The following TSHZ3 variants were observed in gnomAD, a reference collection of about 807,000 sequenced individuals.
TSHZ3 encodes the protein teashirt zinc finger homeobox 3.
Under a neutral mutation model 64.5 loss-of-function variants are expected in TSHZ3, and 10 were observed. The observed-to-expected ratio is 0.16, with a 90% CI of 0.10 to 0.26. The LOEUF (loss-of-function observed/expected upper bound fraction) is 0.26. Among genes scored for constraint, TSHZ3 ranks in the 10% least tolerant of loss-of-function variants. The pLI, the probability that TSHZ3 is intolerant of heterozygous loss-of-function variation, is 1.00. For missense variants in TSHZ3, 1,242 were observed against 1,421.7 expected (o/e 0.87, Z 2.03); for synonymous variants, 608 against 593.1 (o/e 1.03, Z -0.36).
At chr19:31,238,736 G>T (rs935356285) in intron 3 of TSHZ3, among the ~76,000 whole-genome samples, 4 of 152,038 alleles carry the variant, frequency 2.6e-5, no homozygotes, top group Non-Finnish European at 5.9e-5. Context: ...TGTTTGCATT[G>T]CATGTTTTAT....
chr19:31,344,222 G>T (rs570368164), intron 1 of TSHZ3, among the ~76,000 whole-genome samples: 1 of 152,210 alleles, frequency 6.6e-6, no homozygotes, highest in Non-Finnish European at 1.5e-5. Context: ...ACACCTGCAA[G>T]GGTTTGGGAT....
chr19:31,239,214 A>G (rs2145182407), intron 3 of TSHZ3, among the ~76,000 whole-genome samples: 1 of 152,084 alleles, frequency 6.6e-6, no homozygotes, highest in East Asian at 1.9e-4. Flanking sequence ...TACAATTGCT[A>G]TCCTATTTTT....
chr19:31,227,505 G>A (rs1450126490), intron 4 of TSHZ3, among the ~76,000 whole-genome samples: 2 of 152,074 alleles, frequency 1.3e-5, no homozygotes, highest in Admixed American at 1.3e-4. Flanking sequence ...ACCAAACTTA[G>A]GGAGAGCCTG....
upstream of TSHZ3, among the ~76,000 whole-genome samples, chr19:31,350,660 C>T (rs1228430623): frequency 6.6e-6 from 1 of 151,508 alleles, no homozygotes; most frequent in Admixed American, 6.6e-5. Flanking sequence ...GGCCGACTGG[C>T]CGCGGCAAGA....
At chr19:31,192,903 C>G (rs1460653370) in intron 5 of TSHZ3, among the ~76,000 whole-genome samples, 1 of 152,156 alleles carries the variant, frequency 6.6e-6, no homozygotes, top group Non-Finnish European at 1.5e-5. Context: ...AAAGTGTAAA[C>G]CAAAGCCAGG....
At position 31,277,443 on chromosome 19, in the gene TSHZ3, C is replaced by T. The variant is rs753027332; in HGVS notation, c.2350G>A (p.Val784Ile). The T allele has an allele frequency of 2.4e-5, 39 of 1,613,858 alleles. No individual in the cohort carries two copies. Among genetic ancestry groups the T allele is most frequent in the Non-Finnish European group, 2.8e-5 (33 of 1,179,972 alleles). ...AAGTCTATGGGCTGGTCGTTGTTGA[C>T]GTGGTAGAAATAGCGGTCGAGGTGG... ...ADHLDRYFYH[V>I]NNDQPIDLTK... is the part of the protein sequence containing the mutation. The change falls in exon 2 of 2, where the codon GTC becomes ATC. Residue 784 changes from valine (V) to isoleucine (I), a missense_variant. Around this residue, in one of 4 missense-constraint regions of TSHZ3, gnomAD observed 550 missense variants for 545.1 expected, o/e 1.01. Coordinates refer to ENST00000240587, the MANE Select transcript of TSHZ3 (RefSeq NM_020856.4). The surrounding 1 kb of genome is among the most constrained non-coding windows in gnomAD (Gnocchi z 4.5).
chr19:31,305,035 A>G (rs944335041), intron 1 of TSHZ3, among the ~76,000 whole-genome samples: 5 of 152,198 alleles, frequency 3.3e-5, no homozygotes, highest in Admixed American at 6.5e-5. Context: ...CAAAATTGTA[A>G]TCTGTTGACA....
chr19:31,198,684 ACCCCCC>A (rs1975028703), intron 5 of TSHZ3, among the ~76,000 whole-genome samples: 1 of 152,126 alleles, frequency 6.6e-6, no homozygotes, highest in South Asian at 2.1e-4. Flanking sequence ...TTATATTAAT[ACCCCCC>A]AAAATGAAAT....
intron 5 of TSHZ3, among the ~76,000 whole-genome samples, chr19:31,159,171 T>C (rs576216940): frequency 6.6e-6 from 1 of 152,276 alleles, no homozygotes; most frequent in South Asian, 2.1e-4. Context: ...AGCTAATTTT[T>C]GTATTTCTTG....
rs562141801 is a variant in TSHZ3, at chr19:31,237,145, C to T, written n.550+5124G>A. Among the ~76,000 whole-genome samples the T allele has an allele frequency of 9.3e-4, 141 of 152,142 alleles. 1 individual carries two copies. Among genetic ancestry groups the T allele is most frequent in the Middle Eastern group, 6.8e-3 (2 of 294 alleles). ...ACTGGGAGACAGAGCGAAACTCCGTCTAAGAAAAAACAAACAAACAAAAAA... is the reference window on the plus strand; with the variant it reads ...ACTGGGAGACAGAGCGAAACTCCGTTTAAGAAAAAACAAACAAACAAAAAA... On this transcript the variant is annotated intron_variant and non_coding_transcript_variant, in intron 3 of 6. Transcript: ENST00000651361.
intron 6 of TSHZ3, among the ~76,000 whole-genome samples, chr19:31,155,619 G>T (rs2145097467): frequency 6.6e-6 from 1 of 152,322 alleles, no homozygotes; most frequent in Admixed American, 6.5e-5. Context: ...GTGCCCCTTT[G>T]TTTTGGAAGC....
chr19:31,161,347 A>T, intron 5 of TSHZ3, among the ~76,000 whole-genome samples: 1 of 152,244 alleles, frequency 6.6e-6, no homozygotes, highest in East Asian at 1.9e-4. Context: ...TGAACTAAGG[A>T]CTAAAGTTAA....
intron 1 of TSHZ3, among the ~76,000 whole-genome samples, chr19:31,288,182 GAT>G (rs1238076038): frequency 2.0e-5 from 3 of 152,242 alleles, no homozygotes; most frequent in Admixed American, 6.5e-5. Flanking sequence ...ATGGAGGAAG[GAT>G]GATGGCTTGG....
At position 31,252,830 on chromosome 19, in the gene TSHZ3, A is replaced by G. The variant is rs544533389; in HGVS notation, n.64-9955T>C. Among the ~76,000 whole-genome samples, 16 of 152,314 alleles carry G rather than the reference A, an allele frequency of 1.1e-4. No homozygotes were observed. In the South Asian group the frequency reaches 3.3e-3, roughly 32 times the overall value. ...AAGACCCTTTTTCCAAATAAAGTAAACATTTACAGGTTCCAGGGATCAGGA... is the reference window on the plus strand; with the variant it reads ...AAGACCCTTTTTCCAAATAAAGTAAGCATTTACAGGTTCCAGGGATCAGGA... On this transcript the variant is annotated intron_variant and non_coding_transcript_variant, in intron 1 of 6. Transcript: ENST00000651361.
chr19:31,193,911 A>G (rs1974949189), intron 5 of TSHZ3, among the ~76,000 whole-genome samples: 1 of 152,198 alleles, frequency 6.6e-6, no homozygotes, highest in African/African-American at 2.4e-5. Flanking sequence ...TTTCTGGTTC[A>G]ATGAGGAGCT....
At chr19:31,206,556 C>T (rs1359798036) in intron 4 of TSHZ3, among the ~76,000 whole-genome samples, 6 of 152,168 alleles carry the variant, frequency 3.9e-5, no homozygotes, top group African/African-American at 1.4e-4. Context: ...AGCAACATGT[C>T]CTTCAGCTGT....
At position 31,339,756 on chromosome 19, in the gene TSHZ3, T is replaced by C. The variant is rs142619804; in HGVS notation, c.40+9424A>G. On this transcript the variant is annotated intron_variant, in intron 1 of 1. Transcript: ENST00000240587. Reference sequence around the variant, plus strand: ...GCAGGGTGATGGGAGGCCTGGGAAATCGTACTCCATCCTCCCACTGCCCTT... The same window carrying C: ...GCAGGGTGATGGGAGGCCTGGGAAACCGTACTCCATCCTCCCACTGCCCTT... Among the ~76,000 whole-genome samples the C allele has an allele frequency of 2.0e-3, 301 of 150,058 alleles. 2 individuals carry two copies. Among genetic ancestry groups the C allele is most frequent in the African/African-American group, 7.0e-3 (285 of 40,658 alleles).
chr19:31,268,672 C>G (rs1170426774), intron 1 of TSHZ3, among the ~76,000 whole-genome samples: 2 of 152,160 alleles, frequency 1.3e-5, no homozygotes, highest in Non-Finnish European at 2.9e-5. Context: ...GTGAGGTGAG[C>G]TTGTGCCACC....
rs553067026 is a variant in TSHZ3, at chr19:31,250,986, C to T, written n.64-8111G>A. On this transcript the variant is annotated intron_variant and non_coding_transcript_variant, in intron 1 of 6. Coordinates refer to the TSHZ3 transcript ENST00000651361. ...GGGGCAGGCACACCACCCTGCCCCA[C>T]CCCACCCACCTTTCCACTGGGAAGC... Among the ~76,000 whole-genome samples the T allele has an allele frequency of 5.7e-4, 86 of 152,206 alleles. No homozygotes were observed. In the South Asian group the frequency reaches 0.017, roughly 29 times the overall value.
Sources: allele counts gnomAD v4.1 joint callset (sites outside exome capture counted in the v4.1 genomes callset), GRCh38; gene constraint gnomAD v4.1.1; regional missense constraint gnomAD v4.1.1; non-coding constraint Gnocchi (gnomAD v3.1); transcripts MANE v1.5; gene names NCBI Gene and HGNC (gene_info 2026-07-23, HGNC 2026-07-21).